The following PDE1C variants were observed in gnomAD, a reference collection of about 807,000 sequenced individuals.
The protein encoded by PDE1C is phosphodiesterase 1C, also known as dual specificity calcium/calmodulin-dependent 3',5'-cyclic nucleotide phosphodiesterase 1C.
PDE1C carries 62 observed loss-of-function variants against 93.1 expected under a neutral mutation model. The observed-to-expected ratio is 0.67, with a 90% CI of 0.54 to 0.82. The LOEUF (loss-of-function observed/expected upper bound fraction) is 0.82, where lower values mean the gene tolerates loss of function less well. Ranked by LOEUF, PDE1C falls within the 40% of genes least tolerant of loss-of-function variation. The probability of loss-of-function intolerance (pLI) is 0.00; values close to 1 mark genes in which losing one functional copy is unlikely to be tolerated. For synonymous variants in PDE1C, 325 were observed against 310.1 expected, an observed-to-expected ratio of 1.05 and a Z score of -0.50; for missense variants, 742 against 884.6, an observed-to-expected ratio of 0.84 and a Z score of 2.04.
chr7:31,666,513 T>C, the PDE1C span, among the ~76,000 whole-genome samples: 1 of 152,232 alleles, frequency 6.6e-6, no homozygotes. Context: ...TACTGTAATT[T>C]GTATGAATAG....
the PDE1C span, among the ~76,000 whole-genome samples, chr7:31,744,792 CTGA>C: frequency 6.6e-6 from 1 of 152,180 alleles, no homozygotes; most frequent in Non-Finnish European, 1.5e-5. Flanking sequence ...AGATCACACT[CTGA>C]TATTTGTTTC....
At chr7:31,800,779 T>C (rs1378194745) in intron 16 of PDE1C, among the ~76,000 whole-genome samples, 4 of 151,430 alleles carry the variant, frequency 2.6e-5, no homozygotes, top group Non-Finnish European at 4.4e-5. Flanking sequence ...AAAAAAAGCA[T>C]ACTAGGATTT....
chr7:32,006,430 G>A (rs1377476129), intron 2 of PDE1C, among the ~76,000 whole-genome samples: 1 of 152,154 alleles, frequency 6.6e-6, no homozygotes, highest in East Asian at 1.9e-4. Flanking sequence ...TTACAGGAAC[G>A]AAATGTTTCT....
At chr7:32,407,748 G>A (rs1374334963) in intron 1 of PDE1C, among the ~76,000 whole-genome samples, 8 of 152,076 alleles carry the variant, frequency 5.3e-5, no homozygotes, top group Admixed American at 1.3e-4. Context: ...CTATTTCATC[G>A]AAGCTTTATC....
At chr7:32,071,433 T>C, upstream of PDE1C, 1 of 985,480 alleles carries the variant, frequency 1.0e-6, no homozygotes. Flanking sequence ...GATGTTTTCT[T>C]GCTAAAGGGG....
chr7:31,749,659 C>T (rs1376305433), downstream of PDE1C, among the ~76,000 whole-genome samples: 1 of 151,446 alleles, frequency 6.6e-6, no homozygotes, highest in Non-Finnish European at 1.5e-5. Context: ...GCAGACAAAT[C>T]GGTGCTTCGG....
chr7:31,873,693 A>G (rs1796211798), intron 5 of PDE1C, among the ~76,000 whole-genome samples: 1 of 152,220 alleles, frequency 6.6e-6, no homozygotes, highest in South Asian at 2.1e-4. Flanking sequence ...ATTATCCTGA[A>G]AACAACTCTA....
rs191831412 is a variant in PDE1C, at chr7:31,917,091, G to A, written c.129-36231C>T. ...TCAAAATGAGGCAGTACCCCTGGATGGGAAAGGTATACCTCCTATCCAGCC... is the reference window on the plus strand; with the variant it reads ...TCAAAATGAGGCAGTACCCCTGGATAGGAAAGGTATACCTCCTATCCAGCC... On this transcript the variant is annotated intron_variant, in intron 2 of 17. Transcript: ENST00000396191. 8.3e-4 allele frequency among the ~76,000 whole-genome samples: 126 copies of A among 152,138 alleles called. 3 individuals are homozygous for A. The highest frequency in any genetic ancestry group is 3.4e-3 in the Middle Eastern group (1 of 294).
chr7:31,836,960 A>G (rs1284502577), intron 11 of PDE1C, among the ~76,000 whole-genome samples: 1 of 152,022 alleles, frequency 6.6e-6, no homozygotes, highest in Non-Finnish European at 1.5e-5. Context: ...TTTCCCCCAA[A>G]CAGAAATGCA....
chr7:31,957,380 T>C (rs760746222), intron 2 of PDE1C, among the ~76,000 whole-genome samples: 16 of 152,030 alleles, frequency 1.1e-4, no homozygotes, highest in Non-Finnish European at 2.2e-4. Context: ...ACAGTTTCCA[T>C]GTAGTCCTTG....
intron 16 of PDE1C, chr7:31,786,876 GAAGAA>G (rs1783998988): frequency 6.6e-6 from 1 of 151,866 alleles, no homozygotes; most frequent in African/African-American, 2.4e-5. Flanking sequence ...GGTTAAGAAA[GAAGAA>G]AATATATTAT....
chr7:32,142,474 G>C (rs1183854422), intron 3 of PDE1C, among the ~76,000 whole-genome samples: 1 of 152,090 alleles, frequency 6.6e-6, no homozygotes, highest in Non-Finnish European at 1.5e-5. Flanking sequence ...GAAAGTGACT[G>C]GCCAGACACT....
At chr7:31,804,260 C>G (rs1786489089) in intron 16 of PDE1C, among the ~76,000 whole-genome samples, 1 of 151,776 alleles carries the variant, frequency 6.6e-6, no homozygotes, top group African/African-American at 2.4e-5. Flanking sequence ...TTATTATTCC[C>G]CATGACTAAA....
chr7:31,919,737 G>T (rs1802371221), intron 2 of PDE1C, among the ~76,000 whole-genome samples: 2 of 152,188 alleles, frequency 1.3e-5, no homozygotes, highest in African/African-American at 4.8e-5. Flanking sequence ...AGCTGCACCA[G>T]GCTTTACCTT....
intron 1 of PDE1C, among the ~76,000 whole-genome samples, chr7:32,398,289 C>T (rs1338278662): frequency 3.3e-5 from 4 of 123,024 alleles, no homozygotes; most frequent in African/African-American, 1.2e-4. Context: ...GGTGACAGGG[C>T]GAGACTCCGT....
At chr7:32,409,922 TAA>T (rs1562712015) in intron 1 of PDE1C, among the ~76,000 whole-genome samples, 1 of 152,000 alleles carries the variant, frequency 6.6e-6, no homozygotes, top group Non-Finnish European at 1.5e-5. Flanking sequence ...CAGATTCTAA[TAA>T]AAGTCAGAAA....
At chr7:32,298,501 C>A in intron 1 of PDE1C, 1 of 943,206 alleles carries the variant, frequency 1.1e-6, no homozygotes. Context: ...CCGACCCAGT[C>A]GCCGCTCCCG....
chr7:32,404,255 T>C (rs1270717893), intron 1 of PDE1C, among the ~76,000 whole-genome samples: 1 of 152,218 alleles, frequency 6.6e-6, no homozygotes, highest in African/African-American at 2.4e-5. Flanking sequence ...ATTTAGAAAG[T>C]GACTGCCACA....
chr7:31,771,056 A>G (rs193155332), intron 17 of PDE1C, among the ~76,000 whole-genome samples: 8 of 152,206 alleles, frequency 5.3e-5, no homozygotes, highest in African/African-American at 1.9e-4. Flanking sequence ...TTGGGTTTGT[A>G]CAATTTTTCT....
Sources: gnomAD v4.1 joint callset for allele counts (sites outside exome capture counted in the v4.1 genomes callset) on GRCh38, gnomAD v4.1.1 for gene constraint, MANE v1.5 for transcripts, NCBI Gene and HGNC (gene_info 2026-07-23, HGNC 2026-07-21) for gene names.